The following SSBP3 variants were observed in gnomAD, a reference collection of about 807,000 sequenced individuals.
The protein encoded by SSBP3 is single-stranded DNA-binding protein 3.
SSBP3 carries 5 observed loss-of-function variants against 69.6 expected under a neutral mutation model. That is an observed-to-expected ratio of 0.07 (90% CI 0.04 to 0.15). SSBP3 has a LOEUF of 0.15. Among genes scored for constraint, SSBP3 ranks in the 10% least tolerant of loss-of-function variants. The pLI is 1.00. For missense variants in SSBP3, 312 were observed against 534.0 expected (o/e 0.58, Z 4.10); for synonymous variants, 196 against 193.4 (o/e 1.01, Z -0.11).
intron 7 of SSBP3, 130 bp from the exon 8 acceptor site, chr1:54,251,990 T>C: frequency 1.3e-6 from 1 of 758,230 alleles, no homozygotes; most frequent in South Asian, 1.5e-5. Flanking sequence ...CTGAGACTTC[T>C]GCTGCCTGCC....
intron 4 of SSBP3, among the ~76,000 whole-genome samples, chr1:54,344,079 G>C (rs147255868): frequency 6.6e-6 from 1 of 152,316 alleles, no homozygotes; most frequent in East Asian, 1.9e-4. Flanking sequence ...TGATGGCCAA[G>C]AGGTGCCCCT....
rs188690548 is a variant in SSBP3 at position 54,235,629 on chromosome 1, T to C, written c.927+3500A>G. Among the ~76,000 whole-genome samples the C allele has an allele frequency of 6.3e-3, 952 of 151,768 alleles. 15 individuals carry two copies. Among genetic ancestry groups the C allele is most frequent in the African/African-American group, 0.022 (910 of 41,326 alleles). Reference sequence around the variant, plus strand: ...CACCACGCCTGGCTAATTTTCGTATTTTTAGTAGAGACGGGGTTTCACCAT... The same window carrying C: ...CACCACGCCTGGCTAATTTTCGTATCTTTAGTAGAGACGGGGTTTCACCAT... On this transcript the variant is annotated intron_variant, in intron 14 of 17. Transcript: ENST00000610401.
chr1:54,380,143 C>T (rs551303315), intron 4 of SSBP3, among the ~76,000 whole-genome samples: 14 of 152,304 alleles, frequency 9.2e-5, no homozygotes, highest in African/African-American at 3.4e-4. Flanking sequence ...GCTGGGCGCC[C>T]AAGTTGGTGG....
chr1:54,351,997 T>C (rs916910788), intron 4 of SSBP3, among the ~76,000 whole-genome samples: 1 of 152,088 alleles, frequency 6.6e-6, no homozygotes, highest in Admixed American at 6.5e-5. Context: ...GCAAAACACA[T>C]GAAGACCCCC....
At chr1:54,241,398 G>C in intron 12 of SSBP3, 76 bp downstream of exon 12, 1 of 1,499,038 alleles carries the variant, frequency 6.7e-7, no homozygotes, top group South Asian at 1.1e-5. Flanking sequence ...GAAAGAAACG[G>C]GGACCCCAGA....
At chr1:54,245,380 C>A (rs917446373) in intron 9 of SSBP3, among the ~76,000 whole-genome samples, 33 of 152,332 alleles carry the variant, frequency 2.2e-4, no homozygotes, top group African/African-American at 7.5e-4. Context: ...GCCGGCCCCC[C>A]AGATTCTGTA....
chr1:54,273,497 G>C (rs1458781388), intron 5 of SSBP3, among the ~76,000 whole-genome samples: 2 of 152,228 alleles, frequency 1.3e-5, no homozygotes, highest in African/African-American at 4.8e-5. Flanking sequence ...TCTGCCGCTG[G>C]GCAGACGTCA....
intron 11 of SSBP3, among the ~76,000 whole-genome samples, chr1:54,241,790 A>T (rs567590830): frequency 6.6e-6 from 1 of 152,326 alleles, no homozygotes; most frequent in African/African-American, 2.4e-5. Context: ...AGAGGGCAGG[A>T]AACAGCTTTA....
At chr1:54,399,362 C>A (rs997209301) in intron 4 of SSBP3, among the ~76,000 whole-genome samples, 3 of 152,200 alleles carry the variant, frequency 2.0e-5, no homozygotes, top group African/African-American at 7.2e-5. Flanking sequence ...ACTACCACTT[C>A]CCAGCTGGGA....
At chr1:54,300,598 G>A (rs959572542) in intron 4 of SSBP3, among the ~76,000 whole-genome samples, 3 of 152,338 alleles carry the variant, frequency 2.0e-5, no homozygotes, top group East Asian at 1.9e-4. Context: ...TATTTCTGCC[G>A]GAGGGTGGGG....
At chr1:54,238,608 A>G (rs41294798) in intron 14 of SSBP3, 3,536 of 330,992 alleles carry the variant, frequency 0.011, 32 homozygotes, top group Non-Finnish European at 0.013. Context: ...TGTGAGCTGC[A>G]ACATCACCCA....
At chr1:54,242,296 G>A (rs1053988040) in intron 10 of SSBP3, 84 bp from the exon 11 acceptor site, 1 of 1,523,822 alleles carries the variant, frequency 6.6e-7, no homozygotes, top group Admixed American at 1.7e-5. Context: ...AGAAGGAAAG[G>A]GCTGAAATCA....
chr1:54,254,443 C>T (rs1277723198), intron 7 of SSBP3, among the ~76,000 whole-genome samples: 1 of 152,208 alleles, frequency 6.6e-6, no homozygotes, highest in Non-Finnish European at 1.5e-5. Flanking sequence ...ATCACCCGCA[C>T]TTGAAAAAAC....
chr1:54,367,832 T>C (rs1028185911), intron 4 of SSBP3, among the ~76,000 whole-genome samples: 2 of 152,254 alleles, frequency 1.3e-5, no homozygotes, highest in African/African-American at 4.8e-5. Flanking sequence ...ATTGTGTTTA[T>C]GTGCACAAAC....
chr1:54,302,098 C>T (rs1311612347), intron 4 of SSBP3, among the ~76,000 whole-genome samples: 2 of 152,232 alleles, frequency 1.3e-5, no homozygotes, highest in African/African-American at 4.8e-5. Flanking sequence ...CTGCCACTCC[C>T]ACTCATACCA....
chr1:54,274,659 C>T (rs965630388), intron 5 of SSBP3, among the ~76,000 whole-genome samples: 3 of 152,188 alleles, frequency 2.0e-5, no homozygotes, highest in Non-Finnish European at 2.9e-5. Flanking sequence ...CACTCCTGCT[C>T]GGGCCATGGC....
chr1:54,278,458 C>T (rs540631561), intron 5 of SSBP3, among the ~76,000 whole-genome samples: 2 of 152,128 alleles, frequency 1.3e-5, no homozygotes, highest in South Asian at 2.1e-4. Flanking sequence ...GAAACCTGGA[C>T]GTGGAAGAAG....
At chr1:54,369,296 A>C (rs1341854925) in intron 4 of SSBP3, among the ~76,000 whole-genome samples, 4 of 35,140 alleles carry the variant, frequency 1.1e-4, no homozygotes, top group East Asian at 1.4e-3. Context: ...GCTCCACGGG[A>C]TTGGGGGGAC....
chr1:54,229,565 G>C (rs1644346512), intron 14 of SSBP3, among the ~76,000 whole-genome samples: 1 of 152,168 alleles, frequency 6.6e-6, no homozygotes, highest in Non-Finnish European at 1.5e-5. Flanking sequence ...TGGCAGATGA[G>C]GGCTTGGAGA....
Sources: allele counts gnomAD v4.1 joint callset (sites outside exome capture counted in the v4.1 genomes callset), GRCh38; gene constraint gnomAD v4.1.1; transcripts MANE v1.5; gene names NCBI Gene and HGNC (gene_info 2026-07-23, HGNC 2026-07-21).